SLC44A1: variants seen among roughly 807,000 people sequenced by gnomAD.
The protein encoded by SLC44A1 is solute carrier family 44 member 1.
A neutral mutation model predicts 79.3 loss-of-function variants in SLC44A1; 26 were observed. The observed-to-expected ratio is 0.33, with a 90% confidence interval of 0.24 to 0.46. SLC44A1 has a LOEUF of 0.46. Among genes scored for constraint, SLC44A1 ranks in the 20% least tolerant of loss-of-function variants. SLC44A1 has a pLI of 1.00. For missense variants in SLC44A1, 688 were observed against 798.1 expected, an observed-to-expected ratio of 0.86 and a Z score of 1.66; for synonymous variants, 263 against 286.2, an observed-to-expected ratio of 0.92 and a Z score of 0.82.
intron 15 of SLC44A1, among the ~76,000 whole-genome samples, chr9:105,424,189 T>C (rs905563348): frequency 1.3e-5 from 2 of 152,298 alleles, no homozygotes; most frequent in African/African-American, 4.8e-5. Flanking sequence ...TCCTCTTCCA[T>C]GGGGCAAGGA....
At chr9:105,374,172 G>A (rs1364721640) in intron 12 of SLC44A1, among the ~76,000 whole-genome samples, 1 of 152,210 alleles carries the variant, frequency 6.6e-6, no homozygotes, top group Non-Finnish European at 1.5e-5. Context: ...GGATAGTCCA[G>A]ATAAAACACC....
At chr9:105,380,110 T>G (rs547794702) in intron 13 of SLC44A1, among the ~76,000 whole-genome samples, 117 of 152,326 alleles carry the variant, frequency 7.7e-4, no homozygotes, top group African/African-American at 2.8e-3. Flanking sequence ...GAATGCTTAT[T>G]TTAACAATCG....
At chr9:105,282,900 G>A (rs1411125164) in intron 1 of SLC44A1, among the ~76,000 whole-genome samples, 3 of 152,228 alleles carry the variant, frequency 2.0e-5, no homozygotes, top group Admixed American at 1.3e-4. Flanking sequence ...TGGGGGTTTT[G>A]TGACGATATA....
At chr9:105,373,588 A>G (rs1484369481) in intron 12 of SLC44A1, among the ~76,000 whole-genome samples, 1 of 152,190 alleles carries the variant, frequency 6.6e-6, no homozygotes, top group Non-Finnish European at 1.5e-5. Context: ...AGCAGGGAAG[A>G]GCTGGGATTC....
chr9:105,342,987 A>T (rs1553871), intron 4 of SLC44A1, among the ~76,000 whole-genome samples: 22,148 of 145,976 alleles, frequency 0.15, 1,720 homozygotes, highest in South Asian at 0.26. Flanking sequence ...AAAAAAAAAA[A>T]ATATATATAT....
intron 1 of SLC44A1, among the ~76,000 whole-genome samples, chr9:105,270,888 C>CT (rs1830060623): frequency 6.6e-6 from 1 of 152,210 alleles, no homozygotes; most frequent in African/African-American, 2.4e-5. Context: ...TTCTACCTCT[C>CT]TATTTTTAGT....
rs2131482813 is a variant in SLC44A1 at position 105,391,266 on chromosome 9, G to A, written c.*2210G>A. On this transcript the variant is annotated 3_prime_UTR_variant, in exon 16 of 16. Transcript: ENST00000374720. ...TGCTCGCAATCTCAGCTATTTGGAA[G>A]CTACCAGGAATGCTTTCTAATTATC... 1 of 985,788 alleles carries A rather than the reference G, an allele frequency of 1.0e-6. No individual in the cohort carries two copies. Among genetic ancestry groups the A allele is most frequent in the East Asian group, 1.1e-4 (1 of 8,806 alleles). The allele number at this position is 985,788 out of a possible 1,614,324, so 61.1% of individuals were successfully genotyped here.
intron 1 of SLC44A1, among the ~76,000 whole-genome samples, chr9:105,258,292 G>A (rs934282781): frequency 3.3e-5 from 5 of 152,200 alleles, no homozygotes; most frequent in Non-Finnish European, 5.9e-5. Context: ...ATTTTCCATA[G>A]GGAATTGAAG....
At chr9:105,317,161 C>T (rs1588771598) in intron 3 of SLC44A1, among the ~76,000 whole-genome samples, 1 of 152,140 alleles carries the variant, frequency 6.6e-6, no homozygotes, top group South Asian at 2.1e-4. Flanking sequence ...AACATATATT[C>T]TATAGCATAT....
chr9:105,343,969 T>A (rs1193638459), intron 4 of SLC44A1, among the ~76,000 whole-genome samples: 2 of 152,182 alleles, frequency 1.3e-5, no homozygotes, highest in Non-Finnish European at 2.9e-5. Context: ...TTCTTGGGAA[T>A]TGCAAATATG....
chr9:105,411,532 T>G (rs1192627950), intron 15 of SLC44A1, among the ~76,000 whole-genome samples: 2 of 151,022 alleles, frequency 1.3e-5, no homozygotes, highest in Admixed American at 1.3e-4. Flanking sequence ...GTCCCACTAA[T>G]GTTCTTTATG....
At chr9:105,292,929 T>G (rs1471485283) in intron 1 of SLC44A1, among the ~76,000 whole-genome samples, 1 of 152,124 alleles carries the variant, frequency 6.6e-6, no homozygotes, top group East Asian at 1.9e-4. Flanking sequence ...TCCTAGCACT[T>G]TGGGAAGCCA....
intron 3 of SLC44A1, among the ~76,000 whole-genome samples, chr9:105,333,176 G>A (rs1457643942): frequency 6.6e-6 from 1 of 152,194 alleles, no homozygotes; most frequent in Non-Finnish European, 1.5e-5. Flanking sequence ...GACAGACAGT[G>A]TATCTATTCT....
intron 13 of SLC44A1, among the ~76,000 whole-genome samples, chr9:105,375,255 G>T (rs1302951303): frequency 6.6e-6 from 1 of 152,188 alleles, no homozygotes; most frequent in African/African-American, 2.4e-5. Context: ...GGCCAGGCTG[G>T]TCTCTAACTC....
chr9:105,379,606 C>A (rs1828400292), intron 13 of SLC44A1, among the ~76,000 whole-genome samples: 1 of 152,088 alleles, frequency 6.6e-6, no homozygotes, highest in East Asian at 1.9e-4. Context: ...AAAAAGACAT[C>A]ATTATGGGTT....
chr9:105,393,555 A>G lies in SLC44A1; in HGVS notation c.*4499A>G. ...TTAAATCTTTGAAAATATCTTTCTT[A>G]TAGAAAACTTTAATGCAGTTTTTAA... On this transcript the variant is annotated 3_prime_UTR_variant, in exon 16 of 16. Coordinates refer to ENST00000374720, the MANE Select transcript of SLC44A1 (RefSeq NM_080546.5). 8.7e-6 allele frequency: 8 copies of G among 924,004 alleles called. No homozygotes were observed. Among genetic ancestry groups the G allele is most frequent in the Non-Finnish European group, 1.0e-5 (8 of 774,118 alleles). 57.2% of individuals were successfully genotyped at this position (924,004 alleles called of 1,614,324 possible).
chr9:105,276,733 A>G (rs1430808912), intron 1 of SLC44A1, among the ~76,000 whole-genome samples: 1 of 152,078 alleles, frequency 6.6e-6, no homozygotes, highest in Non-Finnish European at 1.5e-5. Context: ...AGCAAGTGCA[A>G]AAGTCAGGAG....
chr9:105,372,764 A>C (rs77091399), intron 12 of SLC44A1, among the ~76,000 whole-genome samples: 14,820 of 123,780 alleles, frequency 0.12, 1,210 homozygotes, highest in South Asian at 0.22. Flanking sequence ...TCCCAGCTAA[A>C]ACGGTGAAAC....
At chr9:105,256,397 GA>G (rs1160435535) in intron 1 of SLC44A1, among the ~76,000 whole-genome samples, 2 of 151,896 alleles carry the variant, frequency 1.3e-5, no homozygotes, top group Non-Finnish European at 2.9e-5. Flanking sequence ...AAAACTGAAA[GA>G]AACTAGATAA....
Sources: allele counts gnomAD v4.1 joint callset (sites outside exome capture counted in the v4.1 genomes callset), GRCh38; gene constraint gnomAD v4.1.1; transcripts MANE v1.5; gene names NCBI Gene and HGNC (gene_info 2026-07-23, HGNC 2026-07-21).